The following RCC1L variants were observed in gnomAD, a reference collection of about 807,000 sequenced individuals.
The protein encoded by RCC1L is RCC1-like G exchanging factor-like protein.
Under a neutral mutation model 58.6 loss-of-function variants are expected in RCC1L, and 46 were observed. The ratio of observed to expected loss-of-function variants is 0.79; its 90% CI spans 0.62 to 1.00. RCC1L has a LOEUF of 1.00. RCC1L is among the 50% of genes least tolerant of loss of function. The probability of loss-of-function intolerance (pLI) is 0.00; values close to 1 mark genes in which losing one functional copy is unlikely to be tolerated. For synonymous variants in RCC1L, 281 were observed against 262.9 expected, an observed-to-expected ratio of 1.07 and a Z score of -0.67; for missense variants, 636 against 623.6, an observed-to-expected ratio of 1.02 and a Z score of -0.21.
chr7:75,058,743 A>G lies in RCC1L; in HGVS notation c.814T>C (p.Ser272Pro). Residue 272 changes from serine (S) to proline (P), a missense_variant, in exon 7 of 11, where the codon TCG becomes CCG. Transcript: ENST00000610322. ...AGGTCTCCACCCAGCTTGGTGGGCGAGCTGGTGATATTGTAGTGACCCAGA... is the reference window on the plus strand; with the variant it reads ...AGGTCTCCACCCAGCTTGGTGGGCGGGCTGGTGATATTGTAGTGACCCAGA... ...TGLGHYNITS[S>P]PTKLGGDLAG... 1 of 1,613,940 alleles carries G rather than the reference A, an allele frequency of 6.2e-7. No individual in the cohort carries two copies. Among genetic ancestry groups the G allele is most frequent in the Non-Finnish European group, 8.5e-7 (1 of 1,179,840 alleles).
intron 9 of RCC1L, chr7:75,055,544 C>A: frequency 2.9e-6 from 1 of 349,304 alleles, no homozygotes. Context: ...CCCACACATT[C>A]ACTTCCTAAT....
intron 10 of RCC1L, among the ~76,000 whole-genome samples, chr7:75,033,610 G>A (rs1341263152): frequency 2.0e-5 from 3 of 151,734 alleles, no homozygotes; most frequent in Admixed American, 1.3e-4. Flanking sequence ...CAGAAGAATC[G>A]CTTGAACCTG....
At chr7:75,056,198 TTTG>T (rs1554443932) in intron 8 of RCC1L, 124 bp from the exon 9 acceptor site, 1 of 1,183,920 alleles carries the variant, frequency 8.4e-7, no homozygotes, top group Non-Finnish European at 1.2e-6. Flanking sequence ...TTTTTTTTGT[TTTG>T]TTTTTTTCCT....
At chr7:75,050,295 T>TAAAATA (rs1338340121) in intron 10 of RCC1L, among the ~76,000 whole-genome samples, 2 of 151,792 alleles carry the variant, frequency 1.3e-5, no homozygotes, top group African/African-American at 2.4e-5. Flanking sequence ...ACAATAATAA[T>TAAAATA]AAAATAAAAA....
intron 2 of RCC1L, 90 bp from the exon 3 acceptor site, chr7:75,066,882 G>GA: frequency 6.9e-7 from 1 of 1,453,394 alleles, no homozygotes; most frequent in Non-Finnish European, 9.0e-7. Flanking sequence ...CTGGAAAAAA[G>GA]AGAGTCGGAG....
rs1397920876 is a variant in RCC1L, at chr7:75,073,659, TCC to T, written c.77_78del (p.Trp26TyrfsTer98). 1 of 1,483,664 alleles carries T rather than the reference TCC, an allele frequency of 6.7e-7. No homozygotes were observed. The highest frequency in any genetic ancestry group is 2.8e-5 in the East Asian group (1 of 35,490). The allele number at this position is 1,483,664 out of a possible 1,614,324, so 91.9% of individuals were successfully genotyped here. A position where few individuals can be genotyped will look rare whatever the true frequency, so the allele number is the denominator to read the frequency against. On this transcript the variant is annotated frameshift_variant, in exon 1 of 11. Coordinates refer to ENST00000610322, the MANE Select transcript of RCC1L (RefSeq NM_030798.5). LOFTEE classifies it high-confidence loss of function. ...LSGPGLGRGH[W>X]TAAGRSRSRR... The stretch of plus-strand genomic sequence containing the variant: ...CGGCTCCGGGAGCGCCCGGCCGCCG[TCC>T]AGTGCCCTCGCCCCAGCCCCGGCCC...
intron 10 of RCC1L, among the ~76,000 whole-genome samples, chr7:75,043,507 G>A (rs977522650): frequency 1.3e-5 from 2 of 152,260 alleles, no homozygotes; most frequent in African/African-American, 4.8e-5. Context: ...ACCCCACTAG[G>A]CTCCATGCCC....
At chr7:75,049,848 C>T (rs1162465935) in intron 10 of RCC1L, among the ~76,000 whole-genome samples, 2 of 151,780 alleles carry the variant, frequency 1.3e-5, no homozygotes, top group South Asian at 4.2e-4. Context: ...CACCACACTC[C>T]AGCTTGGGTG....
chr7:75,066,492 A>C (rs1488140500), intron 3 of RCC1L, among the ~76,000 whole-genome samples, 172 bp downstream of exon 3: 1 of 152,116 alleles, frequency 6.6e-6, no homozygotes. Context: ...TAAAGAATCA[A>C]CAAGGTTTGT....
chr7:75,047,771 T>C (rs1432295594), intron 10 of RCC1L, among the ~76,000 whole-genome samples: 1 of 150,976 alleles, frequency 6.6e-6, no homozygotes, highest in Admixed American at 6.6e-5. Context: ...CTCAGACTTC[T>C]GAGTAGCTGG....
At position 75,034,660 on chromosome 7, in the gene RCC1L, A is replaced by G. The variant is rs1195404885; in HGVS notation, c.1318-6581T>C. 8.6e-5 allele frequency among the ~76,000 whole-genome samples: 13 copies of G among 151,892 alleles called. No homozygotes were observed. In the South Asian group the frequency reaches 2.7e-3, roughly 32 times the overall value. ...GATGTCTACCCGAGCTGAGTGGGAA[A>G]CTCAGGCAGCATCAGCTAGACCCAG... On this transcript the variant is annotated intron_variant, in intron 10 of 10. Coordinates refer to the RCC1L transcript ENST00000614461.
chr7:75,058,805 G>T, intron 6 of RCC1L, 36 bp from the exon 7 acceptor site: 1 of 1,612,100 alleles, frequency 6.2e-7, no homozygotes, highest in Non-Finnish European at 8.5e-7. Context: ...TTAATTATTC[G>T]CTCTTTTAAC....
intron 8 of RCC1L, 61 bp from the exon 9 acceptor site, chr7:75,056,135 A>G: frequency 6.3e-7 from 1 of 1,590,386 alleles, no homozygotes; most frequent in Non-Finnish European, 8.6e-7. Context: ...CCCTCACCAG[A>G]AACTCAAACT....
chr7:75,064,473 C>T (rs1048819208), intron 4 of RCC1L, 109 bp downstream of exon 4: 3 of 1,202,564 alleles, frequency 2.5e-6, no homozygotes, highest in African/African-American at 3.0e-5. Flanking sequence ...CTCACGGCCC[C>T]CTCTCAGGCA....
chr7:75,056,193 TTTG>T, intron 8 of RCC1L, 119 bp from the exon 9 acceptor site: 2 of 1,229,920 alleles, frequency 1.6e-6, no homozygotes, highest in Non-Finnish European at 1.2e-6. Flanking sequence ...TTGTTTTTTT[TTTG>T]TTTTGTTTTT....
intron 10 of RCC1L, among the ~76,000 whole-genome samples, chr7:75,032,525 CCTCT>C (rs1395027474): frequency 6.6e-6 from 1 of 152,170 alleles, no homozygotes; most frequent in Non-Finnish European, 1.5e-5. Context: ...TTCCCCTTCT[CCTCT>C]CTGAGATTTT....
intron 9 of RCC1L, among the ~76,000 whole-genome samples, chr7:75,054,952 G>A (rs1806027973): frequency 6.6e-6 from 1 of 152,222 alleles, no homozygotes; most frequent in African/African-American, 2.4e-5. Flanking sequence ...AGGCCTGCCT[G>A]TTTGACGGCC....
chr7:75,051,346 A>G (rs1805906672), intron 10 of RCC1L, among the ~76,000 whole-genome samples: 2 of 149,446 alleles, frequency 1.3e-5, no homozygotes, highest in East Asian at 2.0e-4. Context: ...ACATATATAT[A>G]CACACACACA....
chr7:75,056,423 C>T, intron 8 of RCC1L: 1 of 1,166,864 alleles, frequency 8.6e-7, no homozygotes, highest in Non-Finnish European at 1.2e-6. Flanking sequence ...TGTTTTCTCC[C>T]CCTAATGACA....
Sources: allele counts gnomAD v4.1 joint callset (sites outside exome capture counted in the v4.1 genomes callset), GRCh38; gene constraint gnomAD v4.1.1; transcripts MANE v1.5; gene names NCBI Gene and HGNC (gene_info 2026-07-23, HGNC 2026-07-21).